The following PLCB1 variants were observed in gnomAD, a reference collection of about 807,000 sequenced individuals.
The protein encoded by PLCB1 is phospholipase C beta 1, also known as 1-phosphatidylinositol 4,5-bisphosphate phosphodiesterase beta-1.
Under a neutral mutation model 161.8 loss-of-function variants are expected in PLCB1, and 46 were observed. That is an observed-to-expected ratio of 0.28 (90% CI 0.22 to 0.36). The LOEUF is 0.36. Ranked by LOEUF, PLCB1 falls within the 10% of genes least tolerant of loss-of-function variation. The pLI, the probability that PLCB1 is intolerant of heterozygous loss-of-function variation, is 1.00. For synonymous variants in PLCB1, 517 were observed against 503.7 expected (o/e 1.03, Z -0.35); for missense variants, 1,016 against 1,472.5 (o/e 0.69, Z 5.07).
chr20:8,505,774 G>A (rs957351816), intron 3 of PLCB1, among the ~76,000 whole-genome samples: 2 of 152,188 alleles, frequency 1.3e-5, no homozygotes, highest in African/African-American at 2.4e-5. Context: ...GCAATCTCTT[G>A]GAGCTGGTAA....
At chr20:8,133,227 G>C (rs2051311149) in intron 1 of PLCB1, among the ~76,000 whole-genome samples, 1 of 152,198 alleles carries the variant, frequency 6.6e-6, no homozygotes, top group Non-Finnish European at 1.5e-5. Context: ...CCCTCTTGGC[G>C]CTTTTGTGGG....
At chr20:8,307,225 T>C (rs1466568286) in intron 2 of PLCB1, among the ~76,000 whole-genome samples, 1 of 152,130 alleles carries the variant, frequency 6.6e-6, no homozygotes, top group African/African-American at 2.4e-5. Context: ...TGGGCACGTG[T>C]GGGTGCAGGC....
intron 3 of PLCB1, among the ~76,000 whole-genome samples, chr20:8,410,374 T>C (rs1978989499): frequency 6.6e-6 from 1 of 152,336 alleles, no homozygotes; most frequent in South Asian, 2.1e-4. Context: ...TCTACATTCC[T>C]ATTAAGAGTA....
intron 23 of PLCB1, among the ~76,000 whole-genome samples, chr20:8,756,805 C>T (rs1165237037): frequency 2.0e-5 from 3 of 152,156 alleles, no homozygotes; most frequent in Non-Finnish European, 4.4e-5. Flanking sequence ...TGTGGAAGGG[C>T]ACCACCAACG....
intron 31 of PLCB1, among the ~76,000 whole-genome samples, chr20:8,841,670 T>G (rs1361389365): frequency 6.6e-6 from 1 of 152,230 alleles, no homozygotes; most frequent in Non-Finnish European, 1.5e-5. Flanking sequence ...CGTGTGCTAA[T>G]TGATCTTAAA....
chr20:8,548,421 C>T (rs1292117478), intron 3 of PLCB1, among the ~76,000 whole-genome samples: 1 of 141,374 alleles, frequency 7.1e-6, no homozygotes, highest in South Asian at 2.5e-4. Flanking sequence ...TTCTTTCTTT[C>T]CTTCCTTTTC....
intron 2 of PLCB1, among the ~76,000 whole-genome samples, chr20:8,264,322 C>G (rs548321483): frequency 1.7e-4 from 26 of 152,136 alleles, no homozygotes; most frequent in African/African-American, 6.0e-4. Flanking sequence ...GATAGCAATG[C>G]CTTCTTCTGA....
chr20:8,467,265 A>G (rs1568687310), intron 3 of PLCB1, among the ~76,000 whole-genome samples: 2 of 152,240 alleles, frequency 1.3e-5, no homozygotes, highest in East Asian at 1.9e-4. Flanking sequence ...TCAAGAACAT[A>G]TTTTGCCAAA....
intron 2 of PLCB1, among the ~76,000 whole-genome samples, chr20:8,271,620 G>A (rs1359259481): frequency 6.6e-6 from 1 of 152,086 alleles, no homozygotes; most frequent in Non-Finnish European, 1.5e-5. Flanking sequence ...TGGGTCATAA[G>A]AGAGCTTGAT....
intron 3 of PLCB1, among the ~76,000 whole-genome samples, chr20:8,614,759 A>G (rs1988002051): frequency 6.6e-6 from 1 of 152,102 alleles, no homozygotes; most frequent in Non-Finnish European, 1.5e-5. Flanking sequence ...AGTATTCAAT[A>G]GCCATGTGTA....
intron 2 of PLCB1, among the ~76,000 whole-genome samples, chr20:8,307,053 C>T (rs950103895): frequency 2.6e-5 from 4 of 152,208 alleles, no homozygotes; most frequent in African/African-American, 9.7e-5. Context: ...TTCCAACTGT[C>T]AGGTCTGGTG....
intron 2 of PLCB1, among the ~76,000 whole-genome samples, chr20:8,239,243 A>T (rs1980485676): frequency 6.6e-6 from 1 of 152,036 alleles, no homozygotes; most frequent in Non-Finnish European, 1.5e-5. Context: ...ATTGAATGCA[A>T]CTTAAAATCT....
chr20:8,324,111 G>A (rs1254902280), intron 2 of PLCB1, among the ~76,000 whole-genome samples: 1 of 151,980 alleles, frequency 6.6e-6, no homozygotes, highest in Non-Finnish European at 1.5e-5. Flanking sequence ...CACTGGGCTA[G>A]ACTACTGTGA....
At chr20:8,238,945 C>T (rs1242056064) in intron 2 of PLCB1, among the ~76,000 whole-genome samples, 1 of 151,486 alleles carries the variant, frequency 6.6e-6, no homozygotes, top group Non-Finnish European at 1.5e-5. Flanking sequence ...AAGAGTGTAG[C>T]ATCATTGGTC....
At chr20:8,840,342 A>G (rs1395911683) in intron 31 of PLCB1, among the ~76,000 whole-genome samples, 1 of 152,232 alleles carries the variant, frequency 6.6e-6, no homozygotes, top group African/African-American at 2.4e-5. Flanking sequence ...TCACTAGGGC[A>G]ATATAGCCAA....
At chr20:8,587,371 G>C (rs77866931) in intron 3 of PLCB1, among the ~76,000 whole-genome samples, 3 of 152,056 alleles carry the variant, frequency 2.0e-5, no homozygotes, top group African/African-American at 7.2e-5. Context: ...ACCCTGTTAG[G>C]AGGGTGTGTG....
intron 4 of PLCB1, among the ~76,000 whole-genome samples, chr20:8,644,301 G>A (rs1390858185): frequency 1.3e-5 from 2 of 151,002 alleles, no homozygotes; most frequent in Admixed American, 6.6e-5. Context: ...GCCCAGTCTG[G>A]AAAGTGAGGA....
intron 3 of PLCB1, among the ~76,000 whole-genome samples, chr20:8,504,192 C>CT (rs1983536041): frequency 6.6e-6 from 1 of 152,176 alleles, no homozygotes; most frequent in African/African-American, 2.4e-5. Flanking sequence ...CACCTCCACT[C>CT]TAAGGCCCAG....
At chr20:8,644,685 C>T (rs1403168500) in intron 4 of PLCB1, among the ~76,000 whole-genome samples, 2 of 151,722 alleles carry the variant, frequency 1.3e-5, no homozygotes, top group African/African-American at 4.8e-5. Context: ...CCGGCAGCCG[C>T]CCCGTCCGGG....
Sources: allele counts gnomAD v4.1 joint callset (sites outside exome capture counted in the v4.1 genomes callset), GRCh38; gene constraint gnomAD v4.1.1; transcripts MANE v1.5; gene names NCBI Gene and HGNC (gene_info 2026-07-23, HGNC 2026-07-21).